The following SYT7 variants were observed in gnomAD, a reference collection of about 807,000 sequenced individuals.
SYT7 encodes synaptotagmin-7.
In SYT7, 29 loss-of-function variants were observed where a neutral mutation model predicts 75.1. That is an observed-to-expected ratio of 0.39 (90% CI 0.29 to 0.53). The LOEUF (loss-of-function observed/expected upper bound fraction) is 0.53. Ranked by LOEUF, SYT7 falls within the 20% of genes least tolerant of loss-of-function variation. The pLI, the probability that SYT7 is intolerant of heterozygous loss-of-function variation, is 0.77. For missense variants in SYT7, 693 were observed against 953.2 expected (o/e 0.73, Z 3.59); for synonymous variants, 376 against 401.7 (o/e 0.94, Z 0.76).
chr11:61,539,961 G>A (rs996518228), intron 6 of SYT7: 2 of 152,306 alleles, frequency 1.3e-5, no homozygotes, highest in Middle Eastern at 3.4e-3. Context: ...TACTGTTTCA[G>A]AGTTGGTAAA....
chr11:61,522,578 T>G (rs1336375147), intron 12 of SYT7, among the ~76,000 whole-genome samples: 1 of 152,130 alleles, frequency 6.6e-6, no homozygotes, highest in East Asian at 1.9e-4. Flanking sequence ...GTTGCTCCAT[T>G]TTACAGATGA....
chr11:61,585,513 C>T (rs1003913744), upstream of SYT7, among the ~76,000 whole-genome samples: 3 of 152,286 alleles, frequency 2.0e-5, no homozygotes, highest in Non-Finnish European at 4.4e-5. Flanking sequence ...CCTTCTCCTA[C>T]CCCCTAGACT....
intron 1 of SYT7, among the ~76,000 whole-genome samples, chr11:61,570,212 C>T (rs2063885164): frequency 6.6e-6 from 1 of 152,194 alleles, no homozygotes; most frequent in Admixed American, 6.5e-5. Context: ...GGTCCTGTTC[C>T]CTTCTGGGCG....
At chr11:61,538,111 G>C (rs868293775) in intron 7 of SYT7, 33 bp downstream of exon 7, 1 of 1,533,630 alleles carries the variant, frequency 6.5e-7, no homozygotes. Flanking sequence ...CTTCTCTGCC[G>C]CCGCCGCCGC....
intron 6 of SYT7, chr11:61,540,664 G>A (rs932544892): frequency 4.7e-5 from 46 of 985,520 alleles, no homozygotes; most frequent in Middle Eastern, 5.2e-4. Context: ...TGGTACCCGG[G>A]TTCCTGGCAG....
chr11:61,582,124 A>C (rs181248660), upstream of SYT7, among the ~76,000 whole-genome samples: 122 of 151,508 alleles, frequency 8.1e-4, 1 homozygote, highest in Middle Eastern at 3.4e-3. Context: ...GATGCCCCCC[A>C]CACACACACC....
rs2062440267 is a variant in SYT7, at chr11:61,524,248, C to G, written c.1641+115G>C. On this transcript the variant is annotated intron_variant, in intron 10 of 12. Coordinates refer to ENST00000539008, the MANE Select transcript of SYT7 (RefSeq NM_001365809.2). This position sits in a 1 kb window ranked among gnomAD's most constrained non-coding sequence, Gnocchi z 4.1. ...GCTGAGCTCCATCGGGTCCACCCAT[C>G]TGCACCCTCTCCCACAGCCCTCCTG... 1 of 1,307,148 alleles carries G rather than the reference C, an allele frequency of 7.7e-7. No individual in the cohort carries two copies. 81.0% of individuals were successfully genotyped at this position (1,307,148 alleles called of 1,614,324 possible).
chr11:61,571,954 C>A (rs796173165), intron 1 of SYT7, among the ~76,000 whole-genome samples: 84 of 152,338 alleles, frequency 5.5e-4, no homozygotes, highest in African/African-American at 1.8e-3. Context: ...GACCAAGTTA[C>A]CATTGCACCC....
chr11:61,585,025 T>C (rs1281496288), upstream of SYT7, among the ~76,000 whole-genome samples: 1 of 152,212 alleles, frequency 6.6e-6, no homozygotes, highest in Admixed American at 6.5e-5. Flanking sequence ...TTCAGGCCTG[T>C]TTCCGATCTG....
At position 61,528,335 on chromosome 11, in the gene SYT7, C is replaced by T. The variant is rs1016683746; in HGVS notation, c.1201-150G>A. ...GCTGCTCAGGCTCAGAGGGCAGGTG[C>T]CTTGACCAGGGTCTCCCAGGAGGGG... On this transcript the variant is annotated intron_variant, in intron 8 of 12. Transcript: ENST00000539008. 7 of 990,834 alleles carry T rather than the reference C, an allele frequency of 7.1e-6. No homozygotes were observed. The African/African-American group carries it at 1.1e-4, about 16-fold the overall frequency. The allele number at this position is 990,834 out of a possible 1,614,324, so 61.4% of individuals were successfully genotyped here. A position where few individuals can be genotyped will look rare whatever the true frequency, so the allele number is the denominator to read the frequency against.
rs1362871822 is a variant in SYT7, at chr11:61,514,093, G to A, written c.*4534C>T. Among the ~76,000 whole-genome samples the A allele has an allele frequency of 1.3e-5, 2 of 152,156 alleles. No individual in the cohort carries two copies. The highest frequency in any genetic ancestry group is 1.9e-4 in the East Asian group (1 of 5,184). On this transcript the variant is annotated 3_prime_UTR_variant, in exon 13 of 13. Transcript: ENST00000539008. ...GGAGCATCTCAGAGCAGGCATGGAC[G>A]AAGACAGACCCAGAGAAGCAAAAAT...
chr11:61,568,870 C>T (rs914223164), intron 1 of SYT7, among the ~76,000 whole-genome samples: 1 of 152,184 alleles, frequency 6.6e-6, no homozygotes, highest in African/African-American at 2.4e-5. Context: ...GCAGGGATGG[C>T]CCTGTTCTGA....
intron 12 of SYT7, among the ~76,000 whole-genome samples, chr11:61,522,646 G>A (rs180869239): frequency 5.3e-5 from 8 of 152,268 alleles, no homozygotes; most frequent in African/African-American, 1.4e-4. Context: ...GTTGTTTATC[G>A]GCAGATGGAG....
intron 1 of SYT7, among the ~76,000 whole-genome samples, chr11:61,570,283 G>C (rs1222396054): frequency 6.6e-6 from 1 of 152,164 alleles, no homozygotes; most frequent in Non-Finnish European, 1.5e-5. Context: ...CCTGATCAAA[G>C]CCCTCTGGAG....
chr11:61,545,947 G>T, intron 5 of SYT7, 84 bp downstream of exon 5: 2 of 1,265,474 alleles, frequency 1.6e-6, no homozygotes, highest in Non-Finnish European at 1.1e-6. Flanking sequence ...GGGCAGCAGC[G>T]GGCATGCCAG....
At chr11:61,587,527 C>T in the SYT7 span, among the ~76,000 whole-genome samples, 1 of 152,246 alleles carries the variant, frequency 6.6e-6, no homozygotes, top group Non-Finnish European at 1.5e-5. Flanking sequence ...TCCACCAACC[C>T]AAGACCTGCT....
At chr11:61,548,009 C>G (rs949842800) in intron 3 of SYT7, among the ~76,000 whole-genome samples, 1 of 152,228 alleles carries the variant, frequency 6.6e-6, no homozygotes, top group Non-Finnish European at 1.5e-5. Flanking sequence ...TTCCTCTGCT[C>G]TCTCTTCTAC....
At chr11:61,569,231 C>T (rs1441227144) in intron 1 of SYT7, among the ~76,000 whole-genome samples, 4 of 152,182 alleles carry the variant, frequency 2.6e-5, no homozygotes, top group African/African-American at 7.2e-5. Context: ...GCCAGTCCCT[C>T]GGCCCTGGAC....
At chr11:61,577,660 C>T (rs1054448324) in intron 1 of SYT7, among the ~76,000 whole-genome samples, 9 of 152,240 alleles carry the variant, frequency 5.9e-5, no homozygotes, top group Non-Finnish European at 1.2e-4. Context: ...CCCTGCCCTG[C>T]ATGCTCCCAA....
Sources: allele counts gnomAD v4.1 joint callset (sites outside exome capture counted in the v4.1 genomes callset), GRCh38; gene constraint gnomAD v4.1.1; non-coding constraint Gnocchi (gnomAD v3.1); transcripts MANE v1.5; gene names NCBI Gene and HGNC (gene_info 2026-07-23, HGNC 2026-07-21).